SUPT3H: variants seen among roughly 807,000 people sequenced by gnomAD.
The protein encoded by SUPT3H is SPT3 homolog, SAGA and STAGA complex component, also known as transcription initiation protein SPT3 homolog.
SUPT3H carries 44 observed loss-of-function variants against 44.3 expected under a neutral mutation model. That is an observed-to-expected ratio of 0.99 (90% CI 0.78 to 1.28). The LOEUF (loss-of-function observed/expected upper bound fraction) is 1.28. Among genes scored for constraint, SUPT3H ranks in the 50% most tolerant of loss-of-function variants. SUPT3H has a pLI of 0.00. For synonymous variants in SUPT3H, 124 were observed against 125.6 expected, an observed-to-expected ratio of 0.99 and a Z score of 0.09; for missense variants, 380 against 387.1, an observed-to-expected ratio of 0.98 and a Z score of 0.15.
chr6:44,908,792 TA>T (rs3842124), intron 10 of SUPT3H, among the ~76,000 whole-genome samples: 60 of 145,494 alleles, frequency 4.1e-4, no homozygotes, highest in African/African-American at 1.3e-3. Flanking sequence ...GAGTACAAAC[TA>T]AAAAAAAAAT....
At chr6:45,174,616 A>T (rs971043804) in intron 2 of SUPT3H, among the ~76,000 whole-genome samples, 1 of 152,210 alleles carries the variant, frequency 6.6e-6, no homozygotes, top group East Asian at 1.9e-4. Flanking sequence ...ATGAGCTATA[A>T]AACAGCACCT....
chr6:45,248,164 T>C (rs56142650), intron 2 of SUPT3H, among the ~76,000 whole-genome samples: 6,542 of 152,164 alleles, frequency 0.043, 155 homozygotes, highest in Non-Finnish European at 0.056. Context: ...AAGAAAATCT[T>C]TGTGACATTT....
intron 3 of SUPT3H, among the ~76,000 whole-genome samples, chr6:45,101,814 A>T (rs1457137456): frequency 6.6e-6 from 1 of 152,190 alleles, no homozygotes; most frequent in Non-Finnish European, 1.5e-5. Flanking sequence ...AACAAAAAAA[A>T]ACCTGGCAGT....
intron 3 of SUPT3H, among the ~76,000 whole-genome samples, chr6:45,022,854 T>A (rs1053865232): frequency 4.6e-5 from 7 of 152,036 alleles, no homozygotes. Context: ...AACCTGTGTA[T>A]CCAAAAAGTC....
intron 10 of SUPT3H, among the ~76,000 whole-genome samples, chr6:44,837,144 A>G (rs1182790103): frequency 6.6e-6 from 1 of 152,184 alleles, no homozygotes; most frequent in Non-Finnish European, 1.5e-5. Flanking sequence ...CTGATACAAG[A>G]TAAAAACAAA....
At chr6:45,154,804 CCT>C (rs1232257466) in intron 2 of SUPT3H, among the ~76,000 whole-genome samples, 3 of 152,136 alleles carry the variant, frequency 2.0e-5, no homozygotes, top group Non-Finnish European at 2.9e-5. Context: ...TTGCAATTCC[CCT>C]GTGTTATACC....
chr6:45,033,057 T>C (rs767119573), intron 3 of SUPT3H, among the ~76,000 whole-genome samples: 1 of 151,984 alleles, frequency 6.6e-6, no homozygotes, highest in Non-Finnish European at 1.5e-5. Flanking sequence ...ATAGAGAAGA[T>C]TGTACTAACT....
At chr6:45,259,197 C>T (rs569250537) in intron 2 of SUPT3H, among the ~76,000 whole-genome samples, 24 of 151,984 alleles carry the variant, frequency 1.6e-4, no homozygotes, top group Admixed American at 9.2e-4. Flanking sequence ...CTTCCAATTG[C>T]GCACCAGAAA....
chr6:45,359,622 C>T (rs1793874394), intron 2 of SUPT3H, among the ~76,000 whole-genome samples: 1 of 152,100 alleles, frequency 6.6e-6, no homozygotes, highest in African/African-American at 2.4e-5. Flanking sequence ...CAAATACAAG[C>T]ATCTAATAAG....
chr6:45,248,577 G>GA (rs1771792615), intron 2 of SUPT3H, among the ~76,000 whole-genome samples: 2 of 152,108 alleles, frequency 1.3e-5, no homozygotes, highest in South Asian at 2.1e-4. Flanking sequence ...CAAAAAAAGA[G>GA]AAAAAACTGG....
chr6:45,106,629 C>T lies in SUPT3H; in HGVS notation c.102-623G>A, dbSNP rs188769857. 6.0e-3 allele frequency among the ~76,000 whole-genome samples: 908 copies of T among 151,996 alleles called. 5 individuals are homozygous for T. The highest frequency in any genetic ancestry group is 0.019 in the African/African-American group (808 of 41,470). On this transcript the variant is annotated intron_variant, in intron 2 of 10. Coordinates refer to ENST00000371459, the MANE Select transcript of SUPT3H (RefSeq NM_003599.4). ...TCGGCTCACTGCAACCTCCGCCTCCCGGGTTCAAGCAATTCTCCTACCACG... is the reference window on the plus strand; with the variant it reads ...TCGGCTCACTGCAACCTCCGCCTCCTGGGTTCAAGCAATTCTCCTACCACG...
intron 3 of SUPT3H, among the ~76,000 whole-genome samples, chr6:45,068,422 C>G (rs942786712): frequency 1.3e-5 from 2 of 148,620 alleles, no homozygotes; most frequent in African/African-American, 5.0e-5. Flanking sequence ...ATGTAACTAA[C>G]CTGCACAATG....
At chr6:45,178,079 T>C (rs1431829464) in intron 2 of SUPT3H, among the ~76,000 whole-genome samples, 1 of 152,068 alleles carries the variant, frequency 6.6e-6, no homozygotes, top group East Asian at 1.9e-4. Flanking sequence ...ATATTAACTT[T>C]AAATTTAAAT....
chr6:45,358,689 T>C (rs1161851258), intron 2 of SUPT3H, among the ~76,000 whole-genome samples: 3 of 152,300 alleles, frequency 2.0e-5, no homozygotes, highest in Admixed American at 1.3e-4. Context: ...CACAGTCTCT[T>C]ATCTGAAATA....
At chr6:45,328,740 G>A (rs541256105) in intron 2 of SUPT3H, 1 of 1,612,108 alleles carries the variant, frequency 6.2e-7, no homozygotes, top group Admixed American at 1.7e-5. Flanking sequence ...GCATCAAACA[G>A]CCTCTTCAGC....
intron 3 of SUPT3H, among the ~76,000 whole-genome samples, chr6:45,062,553 G>A (rs1163409517): frequency 1.3e-5 from 2 of 152,206 alleles, no homozygotes; most frequent in African/African-American, 2.4e-5. Flanking sequence ...GAGGTACCGG[G>A]TGCATCTCAC....
rs561869868 is a variant in SUPT3H, at chr6:45,028,785, A to T, written c.187-8153T>A. Among the ~76,000 whole-genome samples, 9 of 151,986 alleles carry T rather than the reference A, an allele frequency of 5.9e-5. No homozygotes were observed. In the East Asian group the frequency reaches 1.7e-3, roughly 29 times the overall value. ...CTCTCCTAGATTTCTTATTCAGAAT[A>T]GAGGAAGATGCGTTCACTAAATCAA... On this transcript the variant is annotated intron_variant, in intron 3 of 10. Coordinates refer to ENST00000371459, the MANE Select transcript of SUPT3H (RefSeq NM_003599.4).
At chr6:45,000,572 T>C (rs1781884152) in intron 6 of SUPT3H, among the ~76,000 whole-genome samples, 1 of 152,064 alleles carries the variant, frequency 6.6e-6, no homozygotes, top group South Asian at 2.1e-4. Flanking sequence ...TATTCAGTCT[T>C]TATGAGAAAC....
chr6:45,189,128 A>G (rs1016556487), intron 2 of SUPT3H, among the ~76,000 whole-genome samples: 1 of 151,824 alleles, frequency 6.6e-6, no homozygotes, highest in South Asian at 2.1e-4. Flanking sequence ...GAAAGAACTT[A>G]AAAAAAATAA....
Sources: gnomAD v4.1 joint callset for allele counts (sites outside exome capture counted in the v4.1 genomes callset) on GRCh38, gnomAD v4.1.1 for gene constraint, MANE v1.5 for transcripts, NCBI Gene and HGNC (gene_info 2026-07-23, HGNC 2026-07-21) for gene names.